Variants in ROBO2 observed in about 807,000 individuals in gnomAD.
ROBO2 encodes roundabout homolog 2.
ROBO2 carries 53 observed loss-of-function variants against 160.8 expected under a neutral mutation model. The ratio of observed to expected loss-of-function variants is 0.33; its 90% confidence interval spans 0.26 to 0.41. ROBO2 has a LOEUF of 0.41. Among genes scored for constraint, ROBO2 ranks in the 10% least tolerant of loss-of-function variants. The pLI is 1.00. For missense variants in ROBO2, 1,577 were observed against 1,722.4 expected (o/e 0.92, Z 1.49); for synonymous variants, 664 against 611.7 (o/e 1.09, Z -1.26).
chr3:77,545,010 C>A (rs1418940376), intron 6 of ROBO2, among the ~76,000 whole-genome samples: 1 of 151,982 alleles, frequency 6.6e-6, no homozygotes, highest in Non-Finnish European at 1.5e-5. Flanking sequence ...CCATCCCTTT[C>A]TTTTATTTTC....
At chr3:75,911,558 T>TTTC (rs1559745087) in intron 1 of ROBO2, among the ~76,000 whole-genome samples, 1 of 129,084 alleles carries the variant, frequency 7.7e-6, no homozygotes, top group Non-Finnish European at 1.6e-5. Context: ...GTTTCTTTTT[T>TTTC]TTTTTTTTTT....
Position 77,332,515 on chromosome 3 carries a change from T to C in ROBO2, c.389-144899T>C, listed in dbSNP as rs114018674. Among the ~76,000 whole-genome samples the C allele has an allele frequency of 5.6e-3, 846 of 152,362 alleles. 7 individuals are homozygous for C. The highest frequency in any genetic ancestry group is 8.0e-3 in the Non-Finnish European group (545 of 68,042). ...TGTATAGTTATGTAACTCATAGTTA[T>C]GTATGTAATCTCAGTATGTTGCATA... is the stretch of plus-strand genomic sequence containing the variant. On this transcript the variant is annotated intron_variant, in intron 2 of 25. Coordinates refer to ENST00000461745, the Ensembl canonical transcript of ROBO2.
intron 2 of ROBO2, among the ~76,000 whole-genome samples, chr3:77,430,710 A>G (rs950092725): frequency 6.6e-6 from 1 of 152,140 alleles, no homozygotes; most frequent in African/African-American, 2.4e-5. Context: ...CACTGCTGCC[A>G]ACTCAACCTT....
At chr3:77,626,180 G>C (rs1474672518) in intron 23 of ROBO2, among the ~76,000 whole-genome samples, 1 of 152,128 alleles carries the variant, frequency 6.6e-6, no homozygotes, top group African/African-American at 2.4e-5. Flanking sequence ...AAACACACAT[G>C]AATAAATATG....
chr3:77,075,514 T>A (rs2149874087), intron 1 of ROBO2, among the ~76,000 whole-genome samples: 1 of 152,162 alleles, frequency 6.6e-6, no homozygotes, highest in East Asian at 1.9e-4. Flanking sequence ...AGGGTTGGGC[T>A]TTACTGTATG....
At chr3:76,966,561 G>C (rs2059304402) in intron 2 of ROBO2, among the ~76,000 whole-genome samples, 1 of 152,170 alleles carries the variant, frequency 6.6e-6, no homozygotes, top group Admixed American at 6.5e-5. Context: ...GAATATGAAC[G>C]AATGTATAAC....
intron 1 of ROBO2, among the ~76,000 whole-genome samples, chr3:75,923,125 T>C (rs1272963296): frequency 6.6e-6 from 1 of 152,248 alleles, no homozygotes; most frequent in Non-Finnish European, 1.5e-5. Context: ...TATGGCCTTA[T>C]CTTATAGAGG....
chr3:76,543,871 G>C (rs887325665), intron 2 of ROBO2, among the ~76,000 whole-genome samples: 14 of 151,808 alleles, frequency 9.2e-5, no homozygotes, highest in Admixed American at 2.6e-4. Context: ...TATCCCCTCA[G>C]ATCTCTTATT....
intron 2 of ROBO2, among the ~76,000 whole-genome samples, chr3:76,385,901 T>C (rs2076859419): frequency 6.6e-6 from 1 of 152,200 alleles, no homozygotes; most frequent in Non-Finnish European, 1.5e-5. Context: ...GTCATAAAGA[T>C]ATGTCAGTTT....
intron 2 of ROBO2, among the ~76,000 whole-genome samples, chr3:76,346,636 C>A (rs1247651482): frequency 6.6e-6 from 1 of 152,066 alleles, no homozygotes; most frequent in African/African-American, 2.4e-5. Flanking sequence ...ACTTAGCAAC[C>A]ATTTCATGTT....
intron 2 of ROBO2, among the ~76,000 whole-genome samples, chr3:75,996,463 A>G (rs151044892): frequency 1.1e-4 from 16 of 152,298 alleles, no homozygotes; most frequent in African/African-American, 3.6e-4. Context: ...CTGTGAGTCA[A>G]TTAAACCTCT....
At chr3:77,400,357 T>C (rs1308684051) in intron 2 of ROBO2, among the ~76,000 whole-genome samples, 4 of 152,156 alleles carry the variant, frequency 2.6e-5, no homozygotes, top group Non-Finnish European at 4.4e-5. Context: ...TATTTCTGAA[T>C]GGTACTGCTT....
Position 77,558,240 on chromosome 3 carries a change from C to T in ROBO2, c.1437+91C>T, listed in dbSNP as rs984665547. The T allele has an allele frequency of 4.3e-5, 44 of 1,016,882 alleles. 1 individual carries two copies. The highest frequency in any genetic ancestry group is 6.2e-5 in the Non-Finnish European group (40 of 644,928). The allele number at this position is 1,016,882 out of a possible 1,614,324, so 63.0% of individuals were successfully genotyped here. A position where few individuals can be genotyped will look rare whatever the true frequency, so the allele number is the denominator to read the frequency against. On this transcript the variant is annotated intron_variant, in intron 9 of 25. Coordinates refer to ENST00000461745, the Ensembl canonical transcript of ROBO2. ...GCATAGTGAACTTAAAATCTTACATCCTAGTATAATTGCTGCACGTTTAAA... is the reference window on the plus strand; with the variant it reads ...GCATAGTGAACTTAAAATCTTACATTCTAGTATAATTGCTGCACGTTTAAA...
chr3:77,075,375 A>G (rs1257287614), intron 1 of ROBO2, among the ~76,000 whole-genome samples: 1 of 152,146 alleles, frequency 6.6e-6, no homozygotes, highest in Admixed American at 6.6e-5. Context: ...ATTTGAGAGT[A>G]ATGTGTTCCC....
intron 2 of ROBO2, among the ~76,000 whole-genome samples, chr3:76,634,550 A>G (rs2109527086): frequency 6.6e-6 from 1 of 150,402 alleles, no homozygotes; most frequent in African/African-American, 2.4e-5. Flanking sequence ...CCTGGGCAAC[A>G]AAGTGAGACT....
chr3:77,524,620 G>A (rs2090952538), intron 6 of ROBO2, among the ~76,000 whole-genome samples: 1 of 151,354 alleles, frequency 6.6e-6, no homozygotes, highest in African/African-American at 2.4e-5. Flanking sequence ...GCTTGGATGA[G>A]TGAGACTTGA....
At chr3:76,497,042 C>A (rs975772255) in intron 2 of ROBO2, among the ~76,000 whole-genome samples, 1 of 152,302 alleles carries the variant, frequency 6.6e-6, no homozygotes, top group Admixed American at 6.5e-5. Context: ...GCCACATCAC[C>A]TTTTGTGGCT....
At chr3:77,001,406 G>A (rs888833268) in intron 2 of ROBO2, among the ~76,000 whole-genome samples, 2 of 151,994 alleles carry the variant, frequency 1.3e-5, no homozygotes, top group South Asian at 2.1e-4. Context: ...CAATTTCATC[G>A]GTATTAAAAA....
chr3:76,444,914 C>T (rs1281192638), intron 2 of ROBO2, among the ~76,000 whole-genome samples: 1 of 152,108 alleles, frequency 6.6e-6, no homozygotes, highest in African/African-American at 2.4e-5. Flanking sequence ...TATGCCATTT[C>T]ATCAAAATTA....
Sources: allele counts gnomAD v4.1 joint callset (sites outside exome capture counted in the v4.1 genomes callset), GRCh38; gene constraint gnomAD v4.1.1; transcripts MANE v1.5; gene names NCBI Gene and HGNC (gene_info 2026-07-23, HGNC 2026-07-21).